NTM: variants seen among roughly 807,000 people sequenced by gnomAD.
NTM encodes the protein neurotrimin.
NTM carries 13 observed loss-of-function variants against 42.1 expected under a neutral mutation model. The ratio of observed to expected loss-of-function variants is 0.31; its 90% CI spans 0.20 to 0.49. The LOEUF is 0.49. Ranked by LOEUF, NTM falls within the 20% of genes least tolerant of loss-of-function variation. NTM has a pLI of 0.99. For synonymous variants in NTM, 187 were observed against 179.2 expected, an observed-to-expected ratio of 1.04 and a Z score of -0.35; for missense variants, 373 against 452.8, an observed-to-expected ratio of 0.82 and a Z score of 1.60.
intron 2 of NTM, among the ~76,000 whole-genome samples, chr11:132,130,308 C>T (rs1050201518): frequency 4.0e-5 from 6 of 151,830 alleles, no homozygotes; most frequent in Admixed American, 3.9e-4. Flanking sequence ...CCACACCAGT[C>T]AGAGAAAGTC....
intron 1 of NTM, among the ~76,000 whole-genome samples, chr11:131,656,481 C>T (rs796795910): frequency 6.6e-6 from 1 of 152,248 alleles, no homozygotes; most frequent in African/African-American, 2.4e-5. Context: ...TGGGAACCAT[C>T]CTCCCAACCA....
intron 1 of NTM, among the ~76,000 whole-genome samples, chr11:131,909,050 G>A (rs1027990518): frequency 2.0e-5 from 3 of 152,188 alleles, no homozygotes; most frequent in African/African-American, 4.8e-5. Context: ...AAAAGTCACC[G>A]GAGGAGAGGA....
At chr11:132,072,616 T>G (rs1435185317) in intron 2 of NTM, among the ~76,000 whole-genome samples, 1 of 152,194 alleles carries the variant, frequency 6.6e-6, no homozygotes, top group African/African-American at 2.4e-5. Context: ...TCTGGAGAGA[T>G]GCCATTATGG....
chr11:131,391,206 C>G (rs931356155), intron 1 of NTM, among the ~76,000 whole-genome samples: 5 of 152,234 alleles, frequency 3.3e-5, no homozygotes, highest in Middle Eastern at 6.8e-3. Context: ...TTCAGAAAGG[C>G]CAACTTGCCC....
intron 1 of NTM, among the ~76,000 whole-genome samples, chr11:131,442,817 GTATATATA>G (rs530534055): frequency 6.7e-6 from 1 of 149,908 alleles, no homozygotes; most frequent in East Asian, 1.9e-4. Flanking sequence ...ATATGTGTGT[GTATATATA>G]TATATACACA....
intron 2 of NTM, among the ~76,000 whole-genome samples, chr11:131,949,698 T>G (rs1465789173): frequency 6.6e-6 from 1 of 152,184 alleles, no homozygotes; most frequent in Non-Finnish European, 1.5e-5. Context: ...AAAAATGTCC[T>G]GTATGGCCAA....
chr11:131,389,024 A>AAAAAAGAAAAGGAAAG (rs774146196), intron 1 of NTM, among the ~76,000 whole-genome samples: 2 of 89,906 alleles, frequency 2.2e-5, no homozygotes, highest in Admixed American at 1.3e-4. Context: ...AAAAAAAAAA[A>AAAAAAGAAAAGGAAAG]AAAAGAAAAG....
intron 1 of NTM, among the ~76,000 whole-genome samples, chr11:131,724,569 G>T (rs762781638): frequency 6.6e-6 from 1 of 152,084 alleles, no homozygotes; most frequent in African/African-American, 2.4e-5. Flanking sequence ...GACTTTTCCC[G>T]CTGCACCTCA....
chr11:132,127,505 C>T (rs1393893117), intron 2 of NTM, among the ~76,000 whole-genome samples: 1 of 152,226 alleles, frequency 6.6e-6, no homozygotes, highest in Non-Finnish European at 1.5e-5. Flanking sequence ...CCACATCACA[C>T]AATCGTGCCC....
chr11:131,634,316 G>A (rs2064091988), intron 1 of NTM, among the ~76,000 whole-genome samples: 1 of 152,024 alleles, frequency 6.6e-6, no homozygotes, highest in Non-Finnish European at 1.5e-5. Context: ...ACTGCAGACG[G>A]CTTATTCTGG....
At chr11:131,766,575 G>A (rs575551585) in intron 1 of NTM, among the ~76,000 whole-genome samples, 3 of 151,318 alleles carry the variant, frequency 2.0e-5, no homozygotes, top group African/African-American at 4.9e-5. Context: ...CACACAGCAG[G>A]CCCCCCCCTT....
chr11:132,096,872 A>C (rs1476805091), intron 2 of NTM, among the ~76,000 whole-genome samples: 2 of 152,224 alleles, frequency 1.3e-5, no homozygotes, highest in Non-Finnish European at 2.9e-5. Flanking sequence ...AGGAGAAGGC[A>C]TCAGAAGGAG....
At chr11:131,691,294 G>A (rs966279184) in intron 1 of NTM, among the ~76,000 whole-genome samples, 2 of 152,212 alleles carry the variant, frequency 1.3e-5, no homozygotes, top group African/African-American at 4.8e-5. Flanking sequence ...CCCTCTGTTG[G>A]CGGCCGGGGG....
chr11:132,048,969 G>A (rs956029060), intron 2 of NTM, among the ~76,000 whole-genome samples: 1 of 151,866 alleles, frequency 6.6e-6, no homozygotes, highest in African/African-American at 2.4e-5. Flanking sequence ...TGAGAGAGAA[G>A]GACTTCTGCA....
At chr11:131,720,403 C>T (rs1047942026) in intron 1 of NTM, among the ~76,000 whole-genome samples, 5 of 152,096 alleles carry the variant, frequency 3.3e-5, no homozygotes, top group African/African-American at 9.7e-5. Context: ...TGAGGTTGCC[C>T]TGGAAAACAG....
chr11:132,333,520 A>G (rs2095838927), intron 8 of NTM, among the ~76,000 whole-genome samples: 1 of 152,168 alleles, frequency 6.6e-6, no homozygotes, highest in Non-Finnish European at 1.5e-5. Context: ...ATCCTAAATG[A>G]CAAGCATTTC....
intron 1 of NTM, among the ~76,000 whole-genome samples, chr11:131,399,483 T>C (rs1296888288): frequency 6.6e-6 from 1 of 152,172 alleles, no homozygotes; most frequent in Non-Finnish European, 1.5e-5. Flanking sequence ...ATCTGTTCAT[T>C]TTTACAAGAT....
intron 1 of NTM, among the ~76,000 whole-genome samples, chr11:131,680,024 C>T (rs1052680490): frequency 1.3e-5 from 2 of 152,130 alleles, no homozygotes; most frequent in Non-Finnish European, 1.5e-5. Context: ...CAATATTCAG[C>T]GGCAGATTTT....
At chr11:132,294,095 G>A (rs968422216) in intron 4 of NTM, among the ~76,000 whole-genome samples, 2 of 152,096 alleles carry the variant, frequency 1.3e-5, no homozygotes, top group African/African-American at 2.4e-5. Context: ...CATGGTTAAG[G>A]CTAACACCTC....
Sources: allele counts gnomAD v4.1 joint callset (sites outside exome capture counted in the v4.1 genomes callset), GRCh38; gene constraint gnomAD v4.1.1; transcripts MANE v1.5; gene names NCBI Gene and HGNC (gene_info 2026-07-23, HGNC 2026-07-21).